The following TRAPPC8 variants were observed in gnomAD, a reference collection of about 807,000 sequenced individuals.
The protein encoded by TRAPPC8 is trafficking protein particle complex subunit 8, also known as general sporulation gene 1 homolog.
In TRAPPC8, 54 loss-of-function variants were observed where a neutral mutation model predicts 174.3. The observed-to-expected ratio is 0.31, with a 90% CI of 0.25 to 0.39. The LOEUF (loss-of-function observed/expected upper bound fraction) is 0.39, where lower values mean the gene tolerates loss of function less well. TRAPPC8 is among the 10% of genes least tolerant of loss of function. TRAPPC8 has a pLI of 1.00. For missense variants in TRAPPC8, 1,531 were observed against 1,699.1 expected, an observed-to-expected ratio of 0.90 and a Z score of 1.74; for synonymous variants, 630 against 579.9, an observed-to-expected ratio of 1.09 and a Z score of -1.24.
At chr18:31,838,349 C>A (rs1035352137) in intron 27 of TRAPPC8, among the ~76,000 whole-genome samples, 2 of 152,170 alleles carry the variant, frequency 1.3e-5, no homozygotes, top group Non-Finnish European at 2.9e-5. Flanking sequence ...CACTACATAA[C>A]GTGTAAGAAG....
Position 31,942,986 on chromosome 18 carries a change from C to A in TRAPPC8, c.-222G>T. 1.1e-6 allele frequency: 1 copy of A among 945,178 alleles called. No individual in the cohort carries two copies. Among genetic ancestry groups the A allele is most frequent in the South Asian group, 5.0e-5 (1 of 20,160 alleles). The allele number at this position is 945,178 out of a possible 1,614,324, so 58.5% of individuals were successfully genotyped here. A position where few individuals can be genotyped will look rare whatever the true frequency, so the allele number is the denominator to read the frequency against. On this transcript the variant is annotated 5_prime_UTR_variant, in exon 1 of 29. It introduces an in-frame stop codon into an upstream open reading frame of the 5' UTR. Coordinates refer to ENST00000283351, the MANE Select transcript of TRAPPC8 (RefSeq NM_014939.5). The stretch of plus-strand genomic sequence containing the variant: ...CCCGTCACCGCCGCTTCTCAGCGCT[C>A]GTCCCCGCGTGCTCGCATTCCACCC...
chr18:31,876,510 A>AAAAAAAAAAAAAAAAAAAAAAAC (rs2035160559), intron 12 of TRAPPC8, among the ~76,000 whole-genome samples: 1 of 148,632 alleles, frequency 6.7e-6, no homozygotes, highest in African/African-American at 2.5e-5. Flanking sequence ...AAAAAAAAAA[A>AAAAAAAAAAAAAAAAAAAAAAAC]AAGATCACTT....
intron 9 of TRAPPC8, among the ~76,000 whole-genome samples, chr18:31,902,716 C>T (rs1290026444): frequency 1.3e-5 from 2 of 152,098 alleles, no homozygotes; most frequent in Non-Finnish European, 2.9e-5. Context: ...ACAGCTGGGG[C>T]TTTTCTCCTC....
chr18:31,893,205 G>T (rs1240148828), intron 11 of TRAPPC8, among the ~76,000 whole-genome samples: 8 of 151,952 alleles, frequency 5.3e-5, no homozygotes, highest in Non-Finnish European at 1.5e-5. Context: ...CTTAATATTG[G>T]TCCTTTGTGA....
chr18:31,858,498 T>A (rs1424308079), intron 19 of TRAPPC8, among the ~76,000 whole-genome samples: 1 of 152,200 alleles, frequency 6.6e-6, no homozygotes, highest in Non-Finnish European at 1.5e-5. Context: ...CTCAGGCTTT[T>A]AGTAACTCAT....
At chr18:31,893,393 G>A (rs953223176) in intron 11 of TRAPPC8, among the ~76,000 whole-genome samples, 1 of 150,276 alleles carries the variant, frequency 6.7e-6, no homozygotes, top group Non-Finnish European at 1.5e-5. Context: ...GTGTGTGTGT[G>A]TGTGTGTGTG....
At chr18:31,859,495 TATTA>T (rs1598619550) in intron 19 of TRAPPC8, among the ~76,000 whole-genome samples, 1 of 152,294 alleles carries the variant, frequency 6.6e-6, no homozygotes, top group East Asian at 1.9e-4. Flanking sequence ...GTGGAGGAAT[TATTA>T]ATTTTGTTAT....
At chr18:31,920,722 C>A (rs2096096167) in intron 2 of TRAPPC8, among the ~76,000 whole-genome samples, 1 of 151,986 alleles carries the variant, frequency 6.6e-6, no homozygotes, top group South Asian at 2.1e-4. Context: ...GGCGGATCAC[C>A]TGACGTCAGG....
intron 4 of TRAPPC8, among the ~76,000 whole-genome samples, chr18:31,914,659 C>T (rs370679902): frequency 2.0e-5 from 3 of 152,080 alleles, no homozygotes; most frequent in Non-Finnish European, 2.9e-5. Flanking sequence ...CAGGACAAGG[C>T]GGGTAATGAT....
At chr18:31,886,600 G>GT (rs1302224666) in intron 12 of TRAPPC8, among the ~76,000 whole-genome samples, 1 of 151,706 alleles carries the variant, frequency 6.6e-6, no homozygotes, top group Non-Finnish European at 1.5e-5. Flanking sequence ...AGCGTTTTTT[G>GT]TTTTTTTACT....
At chr18:31,834,996 C>T (rs542714083) in intron 27 of TRAPPC8, among the ~76,000 whole-genome samples, 34 of 152,278 alleles carry the variant, frequency 2.2e-4, no homozygotes, top group African/African-American at 7.9e-4. Context: ...ATCTTCCATA[C>T]CTCAGGGTGG....
At chr18:31,937,818 C>T (rs1157477913) in intron 1 of TRAPPC8, among the ~76,000 whole-genome samples, 1 of 152,048 alleles carries the variant, frequency 6.6e-6, no homozygotes, top group Non-Finnish European at 1.5e-5. Context: ...ATTCTCCTGC[C>T]TCAGCCTCCC....
intron 5 of TRAPPC8, among the ~76,000 whole-genome samples, chr18:31,912,000 A>G (rs926282180): frequency 1.3e-5 from 2 of 152,176 alleles, no homozygotes; most frequent in Admixed American, 6.6e-5. Flanking sequence ...AAGTCTGACA[A>G]AACATCAAAC....
At chr18:31,851,359 C>A (rs1235304441) in intron 24 of TRAPPC8, among the ~76,000 whole-genome samples, 10 of 152,106 alleles carry the variant, frequency 6.6e-5, no homozygotes, top group African/African-American at 2.4e-4. Context: ...GGTCTGCAGG[C>A]TAATAATGTC....
intron 2 of TRAPPC8, among the ~76,000 whole-genome samples, chr18:31,919,829 C>A (rs1412647332): frequency 6.6e-6 from 1 of 151,344 alleles, no homozygotes; most frequent in East Asian, 1.9e-4. Flanking sequence ...CCACTGCACT[C>A]CAGCCTGGGC....
At chr18:31,833,230 T>C (rs891809885) in intron 27 of TRAPPC8, 3 of 152,224 alleles carry the variant, frequency 2.0e-5, no homozygotes, top group Admixed American at 6.5e-5. Flanking sequence ...CAGGAACTTA[T>C]GCTATTCTGT....
chr18:31,874,278 T>C, intron 13 of TRAPPC8: 1 of 541,338 alleles, frequency 1.8e-6, no homozygotes, highest in Non-Finnish European at 3.2e-6. Flanking sequence ...TTCATTGTAA[T>C]ATTAAAATTC....
In TRAPPC8 at chr18:31,861,726, T is replaced by C. The variant is rs147987286; in HGVS notation, c.2745+2901A>G. Among the ~76,000 whole-genome samples the C allele has an allele frequency of 1.9e-3, 282 of 151,848 alleles. 1 individual carries two copies. The highest frequency in any genetic ancestry group is 6.4e-3 in the African/African-American group (263 of 41,390). Reference sequence around the variant, plus strand: ...CAGAGGTGGGTGGACTGCTTGAGCTTAGGAGTTTGAGACCAGCCTGGGCAA... The same window carrying C: ...CAGAGGTGGGTGGACTGCTTGAGCTCAGGAGTTTGAGACCAGCCTGGGCAA... On this transcript the variant is annotated intron_variant, in intron 19 of 28. Coordinates refer to ENST00000283351, the MANE Select transcript of TRAPPC8 (RefSeq NM_014939.5).
chr18:31,839,232 T>C (rs1209713195), intron 27 of TRAPPC8, 80 bp downstream of exon 27: 2 of 1,410,276 alleles, frequency 1.4e-6, no homozygotes, highest in East Asian at 2.3e-5. Flanking sequence ...TTTGGGTTAA[T>C]GTCACTGCCA....
Sources: gnomAD v4.1 joint callset for allele counts (sites outside exome capture counted in the v4.1 genomes callset) on GRCh38, gnomAD v4.1.1 for gene constraint, MANE v1.5 for transcripts, NCBI Gene and HGNC (gene_info 2026-07-23, HGNC 2026-07-21) for gene names.